Variants in SGCD observed in about 807,000 individuals in gnomAD.
SGCD encodes the protein delta-sarcoglycan.
Under a neutral mutation model 36.6 loss-of-function variants are expected in SGCD, and 18 were observed. That is an observed-to-expected ratio of 0.49 (90% CI 0.34 to 0.73). The LOEUF is 0.73. Ranked by LOEUF, SGCD falls within the 30% of genes least tolerant of loss-of-function variation. SGCD has a pLI of 0.01. For missense variants in SGCD, 387 were observed against 346.7 expected, an observed-to-expected ratio of 1.12 and a Z score of -0.92; for synonymous variants, 133 against 130.6, an observed-to-expected ratio of 1.02 and a Z score of -0.12.
At chr5:156,114,120 A>G (rs1761854461) in intron 1 of SGCD, among the ~76,000 whole-genome samples, 2 of 152,144 alleles carry the variant, frequency 1.3e-5, no homozygotes, top group Admixed American at 1.3e-4. Flanking sequence ...GCACAACACC[A>G]AGAATGAACC....
intron 1 of SGCD, among the ~76,000 whole-genome samples, chr5:156,004,565 C>T (rs1361340990): frequency 6.6e-6 from 1 of 152,192 alleles, no homozygotes; most frequent in East Asian, 1.9e-4. Context: ...GTAGAATCCA[C>T]ACTCACACCC....
In SGCD at chr5:156,293,092, T is replaced by C. The variant is rs189460200; in HGVS notation, c.-43-36442T>C. 2.0e-4 allele frequency among the ~76,000 whole-genome samples: 30 copies of C among 152,072 alleles called. 1 individual carries two copies. Among genetic ancestry groups the C allele is most frequent in the Admixed American group, 1.7e-3 (26 of 15,218 alleles). Reference sequence around the variant, plus strand: ...GTTTTTTTTTAGAGGTGGGGTCTTTTTATGTTGCATAGGCTGAAGTGCAGT... The same window carrying C: ...GTTTTTTTTTAGAGGTGGGGTCTTTCTATGTTGCATAGGCTGAAGTGCAGT... On this transcript the variant is annotated intron_variant, in intron 3 of 9. Coordinates refer to the SGCD transcript ENST00000517913.
the SGCD span, among the ~76,000 whole-genome samples, chr5:155,799,804 C>T: frequency 3.4e-5 from 5 of 146,396 alleles, no homozygotes; most frequent in Admixed American, 2.1e-4. Context: ...TTTCTACTTC[C>T]TATTCCCCTT....
At chr5:156,464,116 T>C (rs1393277352) in intron 3 of SGCD, among the ~76,000 whole-genome samples, 1 of 152,056 alleles carries the variant, frequency 6.6e-6, no homozygotes, top group Non-Finnish European at 1.5e-5. Flanking sequence ...TATTATGATA[T>C]CCATTTTACA....
chr5:156,195,702 T>C (rs759467561), intron 3 of SGCD, among the ~76,000 whole-genome samples: 78 of 152,216 alleles, frequency 5.1e-4, no homozygotes, highest in Non-Finnish European at 1.1e-3. Context: ...TTTATGATGC[T>C]GTGGCTGGGA....
chr5:156,659,475 A>C (rs1763811528), intron 7 of SGCD, among the ~76,000 whole-genome samples: 3 of 110,268 alleles, frequency 2.7e-5, no homozygotes, highest in African/African-American at 1.1e-4. Flanking sequence ...TTGCCAATTA[A>C]AAGTTGAATC....
chr5:156,647,921 A>G (rs192399909), intron 7 of SGCD, among the ~76,000 whole-genome samples: 69 of 152,288 alleles, frequency 4.5e-4, no homozygotes, highest in Non-Finnish European at 7.4e-5. Context: ...TTATTATGCA[A>G]CAAGCTCTCT....
At chr5:156,533,926 C>A (rs1264980891) in intron 4 of SGCD, among the ~76,000 whole-genome samples, 2 of 152,164 alleles carry the variant, frequency 1.3e-5, no homozygotes, top group Admixed American at 1.3e-4. Flanking sequence ...ACTGTCCCCA[C>A]GTAGACAATA....
At chr5:156,559,603 T>G (rs187672490) in intron 4 of SGCD, among the ~76,000 whole-genome samples, 342 of 152,238 alleles carry the variant, frequency 2.2e-3, no homozygotes, top group African/African-American at 8.1e-3. Context: ...ACTGGGCAAG[T>G]TACCAACTTC....
chr5:155,980,536 C>T (rs71582126), intron 1 of SGCD, among the ~76,000 whole-genome samples: 29,613 of 129,392 alleles, frequency 0.23, 3,865 homozygotes, highest in South Asian at 0.36. Flanking sequence ...TGCAGTGAGC[C>T]GAGATCTTGC....
intron 3 of SGCD, among the ~76,000 whole-genome samples, chr5:156,495,555 G>A (rs2127855119): frequency 6.6e-6 from 1 of 152,250 alleles, no homozygotes; most frequent in East Asian, 1.9e-4. Context: ...CCCCATGAAG[G>A]AATCTATTCT....
At chr5:155,860,023 A>T in the SGCD span, among the ~76,000 whole-genome samples, 1 of 152,240 alleles carries the variant, frequency 6.6e-6, no homozygotes, top group Non-Finnish European at 1.5e-5. Context: ...CTAGAGGCAC[A>T]GCCCCTCTCC....
chr5:155,752,608 T>C, the SGCD span, among the ~76,000 whole-genome samples: 1 of 152,198 alleles, frequency 6.6e-6, no homozygotes, highest in Non-Finnish European at 1.5e-5. Context: ...GTCTGATTCC[T>C]AACCCCCATA....
intron 3 of SGCD, among the ~76,000 whole-genome samples, chr5:156,125,976 C>A (rs1188189271): frequency 6.6e-6 from 1 of 151,522 alleles, no homozygotes; most frequent in African/African-American, 2.4e-5. Context: ...CTCCCAGGTA[C>A]AAGTGATTCT....
At chr5:155,947,735 C>T (rs1368329) in intron 1 of SGCD, among the ~76,000 whole-genome samples, 29,086 of 151,980 alleles carry the variant, frequency 0.19, 3,373 homozygotes, top group Admixed American at 0.38. Context: ...ATATTCAACT[C>T]TCTGTCTTCT....
intron 3 of SGCD, among the ~76,000 whole-genome samples, chr5:156,194,511 G>A (rs1763973505): frequency 6.6e-6 from 1 of 152,102 alleles, no homozygotes; most frequent in Admixed American, 6.6e-5. Context: ...TACATTAGGT[G>A]GAGAGAAAAA....
rs559763471 is a variant in SGCD, at chr5:155,958,066, G to A, written c.-282+87642G>A. On this transcript the variant is annotated intron_variant, in intron 1 of 9. Transcript: ENST00000517913. ...AGACAACGTTATGAATGTCCTCTGA[G>A]AGAATAAGGGATGAGTTTACCATGG... Among the ~76,000 whole-genome samples, 3 of 152,196 alleles carry A rather than the reference G, an allele frequency of 2.0e-5. No individual in the cohort carries two copies. The South Asian group carries it at 6.2e-4, about 32-fold the overall frequency.
At chr5:156,021,197 A>T (rs975493258) in intron 1 of SGCD, among the ~76,000 whole-genome samples, 1 of 152,232 alleles carries the variant, frequency 6.6e-6, no homozygotes, top group African/African-American at 2.4e-5. Context: ...TAGAGAAAAA[A>T]ACAGGGAGAA....
chr5:156,068,521 A>G (rs1760413416), intron 1 of SGCD, among the ~76,000 whole-genome samples: 1 of 151,792 alleles, frequency 6.6e-6, no homozygotes, highest in South Asian at 2.1e-4. Context: ...CCAGTCTATC[A>G]TTGTTGGACA....
Sources: gnomAD v4.1 joint callset for allele counts (sites outside exome capture counted in the v4.1 genomes callset) on GRCh38, gnomAD v4.1.1 for gene constraint, MANE v1.5 for transcripts, NCBI Gene and HGNC (gene_info 2026-07-23, HGNC 2026-07-21) for gene names.